Variants in SCFD2 observed in about 807,000 individuals in gnomAD.
The protein encoded by SCFD2 is sec1 family domain-containing protein 2.
SCFD2 carries 54 observed loss-of-function variants against 58.9 expected under a neutral mutation model. The observed-to-expected ratio is 0.92, with a 90% CI of 0.74 to 1.15. SCFD2 has a LOEUF of 1.15. Ranked by LOEUF, SCFD2 falls within the 50% of genes most tolerant of loss-of-function variation. The pLI, the probability that SCFD2 is intolerant of heterozygous loss-of-function variation, is 0.00. For synonymous variants in SCFD2, 321 were observed against 335.9 expected (o/e 0.96, Z 0.49); for missense variants, 805 against 836.6 (o/e 0.96, Z 0.47).
At chr4:53,256,062 G>A (rs1166768105) in intron 4 of SCFD2, among the ~76,000 whole-genome samples, 2 of 150,316 alleles carry the variant, frequency 1.3e-5, no homozygotes, top group East Asian at 4.1e-4. Context: ...GGCCTGGTGG[G>A]GGCTGACCCC....
intron 5 of SCFD2, among the ~76,000 whole-genome samples, chr4:53,012,919 A>G (rs1256106358): frequency 6.6e-6 from 1 of 152,012 alleles, no homozygotes; most frequent in Non-Finnish European, 1.5e-5. Context: ...TCTGAGGAAT[A>G]GCACACTCCA....
chr4:52,956,358 T>G (rs139480633), intron 5 of SCFD2: 1 of 385,112 alleles, frequency 2.6e-6, no homozygotes, highest in African/African-American at 2.1e-5. Flanking sequence ...TAGGGCTTTT[T>G]ATGGCAAGTG....
chr4:53,023,643 A>G (rs1447070451), intron 5 of SCFD2, among the ~76,000 whole-genome samples: 8 of 152,326 alleles, frequency 5.3e-5, no homozygotes, highest in Non-Finnish European at 8.8e-5. Context: ...ATTAAAGTCC[A>G]TGATTTTCTT....
intron 5 of SCFD2, among the ~76,000 whole-genome samples, chr4:52,942,159 A>C (rs1488092958): frequency 6.6e-6 from 1 of 152,206 alleles, no homozygotes; most frequent in African/African-American, 2.4e-5. Context: ...GTGGAGGAAA[A>C]GAACTAAAAT....
chr4:53,257,491 T>C (rs970563453), intron 4 of SCFD2, among the ~76,000 whole-genome samples: 2 of 152,074 alleles, frequency 1.3e-5, no homozygotes, highest in African/African-American at 2.4e-5. Flanking sequence ...ACCAATCAGA[T>C]AGAACATCCC....
At chr4:53,308,831 T>A (rs985614369) in intron 3 of SCFD2, among the ~76,000 whole-genome samples, 2 of 152,248 alleles carry the variant, frequency 1.3e-5, no homozygotes, top group Admixed American at 6.5e-5. Flanking sequence ...TATCTGGGGC[T>A]TTATTAAGAG....
At chr4:52,957,315 T>C (rs1720734819) in intron 5 of SCFD2, 1 of 152,124 alleles carries the variant, frequency 6.6e-6, no homozygotes, top group South Asian at 2.1e-4. Context: ...TGTATAAACA[T>C]CAGATGAACA....
chr4:53,201,437 G>C (rs1404084644), intron 4 of SCFD2, among the ~76,000 whole-genome samples: 1 of 152,078 alleles, frequency 6.6e-6, no homozygotes, highest in African/African-American at 2.4e-5. Context: ...TTGGACATTT[G>C]GGATGGTTTC....
At chr4:53,045,685 C>T (rs1444417578) in intron 5 of SCFD2, among the ~76,000 whole-genome samples, 3 of 152,050 alleles carry the variant, frequency 2.0e-5, no homozygotes, top group Admixed American at 2.0e-4. Context: ...TTAGCAATAA[C>T]TCTTGGCATA....
At chr4:53,177,481 G>C (rs1401762769) in intron 4 of SCFD2, among the ~76,000 whole-genome samples, 2 of 151,996 alleles carry the variant, frequency 1.3e-5, no homozygotes, top group Non-Finnish European at 2.9e-5. Context: ...AGTAAATTGA[G>C]CAAAAAAGTA....
At chr4:53,239,821 A>C (rs557009110) in intron 4 of SCFD2, among the ~76,000 whole-genome samples, 1 of 152,294 alleles carries the variant, frequency 6.6e-6, no homozygotes, top group Admixed American at 6.5e-5. Context: ...TTCACTGTAT[A>C]GACCCAAGCT....
intron 3 of SCFD2, among the ~76,000 whole-genome samples, chr4:53,277,932 A>T (rs1731379453): frequency 6.6e-6 from 1 of 152,150 alleles, no homozygotes; most frequent in Non-Finnish European, 1.5e-5. Context: ...GGGCGCCTGT[A>T]GTCCCAGCTA....
intron 4 of SCFD2, among the ~76,000 whole-genome samples, chr4:53,216,061 A>G (rs1728819888): frequency 6.6e-6 from 1 of 152,160 alleles, no homozygotes; most frequent in African/African-American, 2.4e-5. Flanking sequence ...TATGTTATTG[A>G]GGATTTTTGC....
chr4:53,177,125 T>C (rs1406889321), intron 4 of SCFD2, among the ~76,000 whole-genome samples: 8 of 152,238 alleles, frequency 5.3e-5, no homozygotes, highest in Non-Finnish European at 1.0e-4. Flanking sequence ...CTTTAACAAA[T>C]GTGTGTTCAG....
chr4:53,303,152 G>T (rs1732375613), intron 3 of SCFD2, among the ~76,000 whole-genome samples: 1 of 152,184 alleles, frequency 6.6e-6, no homozygotes, highest in African/African-American at 2.4e-5. Flanking sequence ...ACTACCATCA[G>T]AGTGAACAGG....
At chr4:53,262,933 G>A (rs925385305) in intron 4 of SCFD2, among the ~76,000 whole-genome samples, 9 of 152,086 alleles carry the variant, frequency 5.9e-5, no homozygotes, top group African/African-American at 2.2e-4. Context: ...CTTCCTGGAG[G>A]CTTTGTTCAT....
chr4:52,891,289 C>A (rs185878131), intron 7 of SCFD2, among the ~76,000 whole-genome samples: 39 of 152,264 alleles, frequency 2.6e-4, no homozygotes, highest in Admixed American at 2.4e-3. Flanking sequence ...AGAAAAGAAC[C>A]CCTGCTGTCA....
intron 4 of SCFD2, among the ~76,000 whole-genome samples, chr4:53,166,088 A>T (rs777350121): frequency 1.1e-4 from 17 of 152,240 alleles, no homozygotes; most frequent in Non-Finnish European, 2.1e-4. Context: ...TCCATGTTGT[A>T]GCATGTGTCA....
At chr4:53,350,562 A>C (rs1396812450) in intron 2 of SCFD2, among the ~76,000 whole-genome samples, 1 of 152,186 alleles carries the variant, frequency 6.6e-6, no homozygotes, top group African/African-American at 2.4e-5. Context: ...TTGTATAATC[A>C]CTATGTTGAA....
Sources: allele counts gnomAD v4.1 joint callset (sites outside exome capture counted in the v4.1 genomes callset), GRCh38; gene constraint gnomAD v4.1.1; transcripts MANE v1.5; gene names NCBI Gene and HGNC (gene_info 2026-07-23, HGNC 2026-07-21).